The following ABL1 variants were observed in gnomAD, a reference collection of about 807,000 sequenced individuals.
ABL1 encodes tyrosine-protein kinase ABL1.
A neutral mutation model predicts 94.7 loss-of-function variants in ABL1; 11 were observed. The ratio of observed to expected loss-of-function variants is 0.12; its 90% CI spans 0.07 to 0.19. The LOEUF (loss-of-function observed/expected upper bound fraction) is 0.19, where lower values mean the gene tolerates loss of function less well. ABL1 is among the 10% of genes least tolerant of loss of function. The probability of loss-of-function intolerance (pLI) is 1.00; values close to 1 mark genes in which losing one functional copy is unlikely to be tolerated. For synonymous variants in ABL1, 656 were observed against 622.4 expected (o/e 1.05, Z -0.80); for missense variants, 1,082 against 1,489.4 (o/e 0.73, Z 4.50).
chr9:130,762,803 C>T lies in ABL1; in HGVS notation c.136+48348C>T, dbSNP rs563833018. On this transcript the variant is annotated intron_variant, in intron 1 of 10. Coordinates refer to the ABL1 transcript ENST00000372348. The stretch of plus-strand genomic sequence containing the variant: ...GCGGGTGCCTGTAGTCCCAGCTACT[C>T]GGGAGGCTGAGGCAGGAGAGTGGCA... Among the ~76,000 whole-genome samples, 14 of 149,420 alleles carry T rather than the reference C, an allele frequency of 9.4e-5. 1 individual carries two copies. The highest frequency in any genetic ancestry group is 6.4e-4 in the South Asian group (3 of 4,714).
chr9:130,733,058 G>A (rs36070045), intron 1 of ABL1, among the ~76,000 whole-genome samples: 2,682 of 152,282 alleles, frequency 0.018, 42 homozygotes, highest in Middle Eastern at 0.065. Flanking sequence ...GAGAATAAGA[G>A]GATGGAGCCA....
chr9:130,845,746 TAAAAGTCTTTTGAGGACTGTTTCA>T (rs201619304), intron 1 of ABL1, among the ~76,000 whole-genome samples: 375 of 152,310 alleles, frequency 2.5e-3, no homozygotes, highest in East Asian at 3.5e-3. Flanking sequence ...TACAAGTTTT[TAAAAGTCTTTTGAGGACTGTTTCA>T]AAAAGTCTTT....
At chr9:130,731,000 T>C (rs1275529541) in intron 1 of ABL1, among the ~76,000 whole-genome samples, 8 of 72,284 alleles carry the variant, frequency 1.1e-4, no homozygotes, top group East Asian at 5.9e-4. Context: ...CTATCTCTCT[T>C]TTTTTTTTTT....
intron 1 of ABL1, among the ~76,000 whole-genome samples, chr9:130,763,451 G>A (rs1832142566): frequency 6.6e-6 from 1 of 152,106 alleles, no homozygotes; most frequent in Non-Finnish European, 1.5e-5. Context: ...TCTTGCCCTT[G>A]AGGTCTGTTA....
At chr9:130,744,493 G>C (rs1831859776) in intron 1 of ABL1, among the ~76,000 whole-genome samples, 1 of 151,612 alleles carries the variant, frequency 6.6e-6, no homozygotes, top group Admixed American at 6.6e-5. Flanking sequence ...CCCTGGGGGA[G>C]ACCAAGACTT....
At position 130,835,608 on chromosome 9, in the gene ABL1, CGCGCT is replaced by C; in HGVS notation, c.79+84_79+88del. On this transcript the variant is annotated intron_variant, in intron 1 of 10. Transcript: ENST00000318560. The surrounding 1 kb of genome is among the most constrained non-coding windows in gnomAD (Gnocchi z 4.6). ...GGCCCTTCCTAGGCCTCGCCGCCCG[CGCGCT>C]CCCGCCTGCGCCCTCCCCGGGTCTT... 1 of 1,181,456 alleles carries C rather than the reference CGCGCT, an allele frequency of 8.5e-7. No homozygotes were observed. The highest frequency in any genetic ancestry group is 1.3e-5 in the South Asian group (1 of 75,132). 73.2% of individuals were successfully genotyped at this position (1,181,456 alleles called of 1,614,324 possible).
At chr9:130,838,425 A>T (rs1360439164) in intron 1 of ABL1, among the ~76,000 whole-genome samples, 1 of 152,190 alleles carries the variant, frequency 6.6e-6, no homozygotes, top group African/African-American at 2.4e-5. Flanking sequence ...AATTTTTTTT[A>T]AATGTATATA....
chr9:130,739,855 C>T (rs921117088), intron 1 of ABL1, among the ~76,000 whole-genome samples: 19 of 152,074 alleles, frequency 1.2e-4, no homozygotes, highest in Non-Finnish European at 2.2e-4. Context: ...TGAGACCAGC[C>T]TCCAACATAG....
In ABL1 at chr9:130,828,081, TTTTA is replaced by T. The variant is rs923776364; in HGVS notation, c.137-25963_137-25960del. Among the ~76,000 whole-genome samples, 16 of 151,804 alleles carry T rather than the reference TTTTA, an allele frequency of 1.1e-4. 1 individual carries two copies. The highest frequency in any genetic ancestry group is 8.3e-4 in the South Asian group (4 of 4,828). Reference sequence around the variant, plus strand: ...TAAGAATAAAAATGAATTATTTTTCTTTTATTTATTTATTTATTTATTTTTGATA... The same window carrying T: ...TAAGAATAAAAATGAATTATTTTTCTTTTATTTATTTATTTATTTTTGATA... On this transcript the variant is annotated intron_variant, in intron 1 of 10. Coordinates refer to the ABL1 transcript ENST00000372348.
intron 1 of ABL1, among the ~76,000 whole-genome samples, chr9:130,800,107 C>T (rs535772557): frequency 2.0e-5 from 3 of 152,132 alleles, no homozygotes; most frequent in East Asian, 3.9e-4. Context: ...CTCCTGACCT[C>T]GTGATCCACA....
chr9:130,776,895 T>C (rs1829665938), intron 1 of ABL1, among the ~76,000 whole-genome samples: 1 of 152,102 alleles, frequency 6.6e-6, no homozygotes, highest in Non-Finnish European at 1.5e-5. Flanking sequence ...CCTGGCCTCT[T>C]TACTCTTATT....
intron 8 of ABL1, 147 bp downstream of exon 8, chr9:130,878,714 A>T: frequency 1.0e-6 from 1 of 954,768 alleles, no homozygotes; most frequent in South Asian, 1.7e-5. Context: ...GCCATTTGCT[A>T]CCTATTGACC....
intron 1 of ABL1, 147 bp from the exon 2 acceptor site, chr9:130,853,917 G>C (rs1482116388): frequency 4.1e-6 from 3 of 734,446 alleles, no homozygotes; most frequent in Non-Finnish European, 6.1e-6. Context: ...CCACCTTAAT[G>C]ATAATAGTAT....
At chr9:130,868,375 T>C (rs1424580025) in intron 4 of ABL1, among the ~76,000 whole-genome samples, 3 of 152,138 alleles carry the variant, frequency 2.0e-5, no homozygotes. Flanking sequence ...TCACCTAGCA[T>C]TTGGTTAACC....
At chr9:130,867,528 G>A (rs951527824) in intron 4 of ABL1, among the ~76,000 whole-genome samples, 1 of 152,210 alleles carries the variant, frequency 6.6e-6, no homozygotes, top group Non-Finnish European at 1.5e-5. Context: ...TGACCATACT[G>A]CCAGAGTACC....
intron 1 of ABL1, among the ~76,000 whole-genome samples, chr9:130,801,948 A>C (rs1048856351): frequency 6.6e-6 from 1 of 152,126 alleles, no homozygotes; most frequent in Admixed American, 6.5e-5. Context: ...GCGTATCATT[A>C]AGTTTGGGCA....
chr9:130,872,287 G>A lies in ABL1; in HGVS notation c.907+74G>A, dbSNP rs11244169. On this transcript the variant is annotated intron_variant, in intron 5 of 10. Transcript: ENST00000318560. This position sits in a 1 kb window ranked among gnomAD's most constrained non-coding sequence, Gnocchi z 5.0. ...GGGTGACACAGGCGCTGGGGAAGAC[G>A]CACGGGCGGCTCACTGCACAAAACC... 9,484 of 1,382,420 alleles carry A rather than the reference G, an allele frequency of 6.9e-3. 492 individuals are homozygous for A. In the African/African-American group the frequency reaches 0.11, roughly 16 times the overall value. The allele number at this position is 1,382,420 out of a possible 1,614,324, so 85.6% of individuals were successfully genotyped here.
At chr9:130,731,127 C>A (rs2132693759) in intron 1 of ABL1, among the ~76,000 whole-genome samples, 1 of 149,388 alleles carries the variant, frequency 6.7e-6, no homozygotes, top group African/African-American at 2.4e-5. Context: ...CTGCCTCAGT[C>A]CCCCGAGTAG....
intron 1 of ABL1, among the ~76,000 whole-genome samples, chr9:130,825,844 T>C (rs1020458250): frequency 6.6e-6 from 1 of 152,266 alleles, no homozygotes; most frequent in African/African-American, 2.4e-5. Flanking sequence ...GGTACAGTGT[T>C]GTAACTGGAT....
Sources: gnomAD v4.1 joint callset for allele counts (sites outside exome capture counted in the v4.1 genomes callset) on GRCh38, gnomAD v4.1.1 for gene constraint, Gnocchi (gnomAD v3.1) non-coding constraint, MANE v1.5 for transcripts, NCBI Gene and HGNC (gene_info 2026-07-23, HGNC 2026-07-21) for gene names.